The following STK32B variants were observed in gnomAD, a reference collection of about 807,000 sequenced individuals.
STK32B encodes the protein serine/threonine kinase 32B, also known as serine/threonine-protein kinase 32B.
In STK32B, 43 loss-of-function variants were observed where a neutral mutation model predicts 52.6. The ratio of observed to expected loss-of-function variants is 0.82; its 90% CI spans 0.64 to 1.05. STK32B has a LOEUF of 1.05. Among genes scored for constraint, STK32B ranks in the 50% least tolerant of loss-of-function variants. STK32B has a pLI of 0.00. For synonymous variants in STK32B, 238 were observed against 204.3 expected, an observed-to-expected ratio of 1.17 and a Z score of -1.41; for missense variants, 621 against 534.6, an observed-to-expected ratio of 1.16 and a Z score of -1.59.
intron 4 of STK32B, among the ~76,000 whole-genome samples, chr4:5,373,492 C>T (rs968804642): frequency 1.3e-5 from 2 of 152,196 alleles, no homozygotes; most frequent in Non-Finnish European, 2.9e-5. Flanking sequence ...GAAGATCAGA[C>T]CTTTTGTTCT....
chr4:5,302,215 A>AAAAG (rs1553866905), intron 3 of STK32B, among the ~76,000 whole-genome samples: 1 of 151,640 alleles, frequency 6.6e-6, no homozygotes, highest in Non-Finnish European at 1.5e-5. Flanking sequence ...ATTGTAAAAA[A>AAAAG]AAAAATCACA....
Position 5,490,904 on chromosome 4 carries a change from C to A in STK32B, c.1107-8041C>A, listed in dbSNP as rs374692020. Among the ~76,000 whole-genome samples, 4 of 152,158 alleles carry A rather than the reference C, an allele frequency of 2.6e-5. No homozygotes were observed. In the East Asian group the frequency reaches 5.8e-4, roughly 22 times the overall value. On this transcript the variant is annotated intron_variant, in intron 11 of 11. Coordinates refer to ENST00000282908, the MANE Select transcript of STK32B (RefSeq NM_018401.3). ...CATGTCCCTACAAAGGACATGAACT[C>A]ATCATTTTTTATGGCTGCATAGTAT...
intron 3 of STK32B, among the ~76,000 whole-genome samples, chr4:5,232,284 A>G (rs1724324869): frequency 6.6e-6 from 1 of 152,226 alleles, no homozygotes; most frequent in African/African-American, 2.4e-5. Context: ...TAATATGTGG[A>G]CTTTGATTAA....
At chr4:5,347,286 G>A (rs1733533043) in intron 4 of STK32B, among the ~76,000 whole-genome samples, 1 of 152,130 alleles carries the variant, frequency 6.6e-6, no homozygotes, top group Non-Finnish European at 1.5e-5. Context: ...TGTGAGTTCA[G>A]GCACATCATC....
At chr4:5,193,559 A>G (rs1017439193) in intron 3 of STK32B, among the ~76,000 whole-genome samples, 1 of 152,216 alleles carries the variant, frequency 6.6e-6, no homozygotes, top group African/African-American at 2.4e-5. Context: ...CAGCAGGGAT[A>G]ACAGGTGTGC....
chr4:5,381,495 G>T (rs1036974779), intron 4 of STK32B, among the ~76,000 whole-genome samples: 1 of 152,174 alleles, frequency 6.6e-6, no homozygotes, highest in East Asian at 1.9e-4. Flanking sequence ...AGGGGCTTTC[G>T]ATTGAATGAG....
intron 3 of STK32B, among the ~76,000 whole-genome samples, chr4:5,312,701 G>T (rs546147194): frequency 6.6e-6 from 1 of 151,898 alleles, no homozygotes; most frequent in Admixed American, 6.6e-5. Flanking sequence ...GGACATTTGG[G>T]TTGGTTCCAA....
chr4:5,107,389 C>G (rs979094917), intron 1 of STK32B, among the ~76,000 whole-genome samples: 3 of 152,122 alleles, frequency 2.0e-5, no homozygotes, highest in African/African-American at 4.8e-5. Flanking sequence ...GTGCTTGAGT[C>G]ATTCCGAAAT....
At chr4:5,247,705 A>G (rs1001554320) in intron 3 of STK32B, among the ~76,000 whole-genome samples, 10 of 152,104 alleles carry the variant, frequency 6.6e-5, no homozygotes, top group African/African-American at 2.4e-4. Flanking sequence ...CTATTTGGCC[A>G]TCTTGGCTCC....
rs1402668410 is a variant in STK32B at position 5,394,686 on chromosome 4, C to G, written c.435-3521C>G. Among the ~76,000 whole-genome samples, 1 of 152,214 alleles carries G rather than the reference C, an allele frequency of 6.6e-6. No homozygotes were observed. Among genetic ancestry groups the G allele is most frequent in the Non-Finnish European group, 1.5e-5 (1 of 68,044 alleles). Reference sequence around the variant, plus strand: ...GTGACTTATTTCAGCACTTCTTCCACACTGCACTGGGACTGTGTGAAGTGC... The same window carrying G: ...GTGACTTATTTCAGCACTTCTTCCAGACTGCACTGGGACTGTGTGAAGTGC... On this transcript the variant is annotated intron_variant, in intron 4 of 11. Coordinates refer to ENST00000282908, the MANE Select transcript of STK32B (RefSeq NM_018401.3). The surrounding 1 kb of genome is among the most constrained non-coding windows in gnomAD (Gnocchi z 4.2).
intron 4 of STK32B, among the ~76,000 whole-genome samples, chr4:5,391,308 G>A (rs1008554669): frequency 2.6e-5 from 4 of 152,106 alleles, no homozygotes; most frequent in African/African-American, 9.7e-5. Flanking sequence ...TTAGGGCTCA[G>A]CCTAATCCAG....
At position 5,159,664 on chromosome 4, in the gene STK32B, AATGTATATGAAT is replaced by A. The variant is rs1354974345; in HGVS notation, c.109-8632_109-8621del. Among the ~76,000 whole-genome samples the A allele has an allele frequency of 5.8e-3, 398 of 68,346 alleles. 53 individuals are homozygous for A. Among genetic ancestry groups the A allele is most frequent in the Admixed American group, 0.014 (92 of 6,348 alleles). 44.8% of individuals were successfully genotyped at this position (68,346 alleles called of 152,430 possible). A position where few individuals can be genotyped will look rare whatever the true frequency, so the allele number is the denominator to read the frequency against. ...ATGAATGTATATGAATATATATATG[AATGTATATGAAT>A]ATATATATGAATATATATGAATATA... On this transcript the variant is annotated intron_variant, in intron 2 of 11. Transcript: ENST00000282908.
chr4:5,129,075 A>G (rs534927539), intron 1 of STK32B, among the ~76,000 whole-genome samples: 1 of 152,304 alleles, frequency 6.6e-6, no homozygotes, highest in African/African-American at 2.4e-5. Flanking sequence ...ACACCTAAAT[A>G]GTCATGTCCA....
intron 3 of STK32B, among the ~76,000 whole-genome samples, chr4:5,183,267 C>T (rs1256542485): frequency 1.3e-5 from 2 of 152,084 alleles, no homozygotes; most frequent in African/African-American, 2.4e-5. Flanking sequence ...CACCTGAGGT[C>T]AGGAGTTCAA....
chr4:5,184,878 T>G (rs1002178893), intron 3 of STK32B, among the ~76,000 whole-genome samples: 7 of 152,130 alleles, frequency 4.6e-5, no homozygotes, highest in African/African-American at 1.4e-4. Flanking sequence ...ACCTCCACTT[T>G]GTGAAATATG....
intron 3 of STK32B, among the ~76,000 whole-genome samples, chr4:5,306,935 T>C (rs747062287): frequency 1.3e-5 from 2 of 152,078 alleles, no homozygotes; most frequent in Non-Finnish European, 2.9e-5. Context: ...GGCTGAAAAC[T>C]GTTTTGTTTA....
chr4:5,283,493 A>G (rs1217515459), intron 3 of STK32B, among the ~76,000 whole-genome samples: 1 of 152,204 alleles, frequency 6.6e-6, no homozygotes, highest in Admixed American at 6.5e-5. Context: ...TAGGAAGCTC[A>G]GAGGTTGCCA....
At chr4:5,423,792 G>A (rs371359923) in intron 6 of STK32B, among the ~76,000 whole-genome samples, 19 of 152,296 alleles carry the variant, frequency 1.2e-4, no homozygotes, top group African/African-American at 4.6e-4. Context: ...CCAGAGGGGT[G>A]GTGGTGGTGA....
chr4:5,254,152 G>A (rs1030971670), intron 3 of STK32B, among the ~76,000 whole-genome samples: 1 of 152,080 alleles, frequency 6.6e-6, no homozygotes, highest in Non-Finnish European at 1.5e-5. Context: ...TTTCGGTAAG[G>A]TATGTTTTTC....
Sources: gnomAD v4.1 joint callset for allele counts (sites outside exome capture counted in the v4.1 genomes callset) on GRCh38, gnomAD v4.1.1 for gene constraint, Gnocchi (gnomAD v3.1) non-coding constraint, MANE v1.5 for transcripts, NCBI Gene and HGNC (gene_info 2026-07-23, HGNC 2026-07-21) for gene names.